The following SDK1 variants were observed in gnomAD, a reference collection of about 807,000 sequenced individuals.
SDK1 encodes the protein protein sidekick-1.
Under a neutral mutation model 245.5 loss-of-function variants are expected in SDK1, and 157 were observed. That is an observed-to-expected ratio of 0.64 (90% confidence interval 0.56 to 0.73). The LOEUF (loss-of-function observed/expected upper bound fraction) is 0.73, where lower values mean the gene tolerates loss of function less well. Among genes scored for constraint, SDK1 ranks in the 30% least tolerant of loss-of-function variants. The probability of loss-of-function intolerance (pLI) is 0.00; values close to 1 mark genes in which losing one functional copy is unlikely to be tolerated. For synonymous variants in SDK1, 1,647 were observed against 1,278.5 expected (o/e 1.29, Z -6.15); for missense variants, 3,583 against 3,002.3 (o/e 1.19, Z -4.52).
At chr7:3,337,734 G>A (rs914484949) in intron 1 of SDK1, among the ~76,000 whole-genome samples, 10 of 152,150 alleles carry the variant, frequency 6.6e-5, no homozygotes, top group African/African-American at 2.4e-4. Flanking sequence ...AAGAAAAGCA[G>A]CACAACATTT....
intron 28 of SDK1, among the ~76,000 whole-genome samples, chr7:4,140,170 G>A (rs1325008972): frequency 1.3e-5 from 2 of 152,130 alleles, no homozygotes; most frequent in African/African-American, 2.4e-5. Context: ...CTGCCGCCCC[G>A]CTCCACCCCA....
chr7:3,556,697 C>G (rs538805603), intron 1 of SDK1, among the ~76,000 whole-genome samples: 1 of 151,986 alleles, frequency 6.6e-6, no homozygotes, highest in Admixed American at 6.6e-5. Flanking sequence ...TGGTGCACAC[C>G]TGTAATCCCA....
intron 1 of SDK1, among the ~76,000 whole-genome samples, chr7:3,525,450 C>T (rs1470410265): frequency 6.6e-6 from 1 of 152,078 alleles, no homozygotes; most frequent in East Asian, 1.9e-4. Flanking sequence ...TGGCATAGTA[C>T]ATTTACTCCC....
At chr7:3,900,942 T>C (rs931012249) in intron 5 of SDK1, among the ~76,000 whole-genome samples, 20 of 151,780 alleles carry the variant, frequency 1.3e-4, no homozygotes, top group African/African-American at 4.1e-4. Context: ...ATGTGCCTAA[T>C]TGTAGCAAAA....
chr7:3,494,455 G>A (rs1271760800), intron 1 of SDK1, among the ~76,000 whole-genome samples: 1 of 152,120 alleles, frequency 6.6e-6, no homozygotes, highest in African/African-American at 2.4e-5. Context: ...ATTATGGGAA[G>A]ACAGTGTTAG....
chr7:3,370,781 A>G (rs1005839255), intron 1 of SDK1, among the ~76,000 whole-genome samples: 1 of 152,192 alleles, frequency 6.6e-6, no homozygotes, highest in Non-Finnish European at 1.5e-5. Context: ...TTTAAAATTC[A>G]TGTACACAGT....
chr7:3,820,020 T>C (rs1779604850), intron 4 of SDK1, among the ~76,000 whole-genome samples: 1 of 152,200 alleles, frequency 6.6e-6, no homozygotes, highest in Non-Finnish European at 1.5e-5. Flanking sequence ...CACAACTCAC[T>C]CTAGAGACCT....
intron 1 of SDK1, among the ~76,000 whole-genome samples, chr7:3,516,739 A>G (rs778428353): frequency 3.3e-5 from 5 of 152,182 alleles, no homozygotes; most frequent in Admixed American, 2.0e-4. Flanking sequence ...GAAGAACTCT[A>G]TTGTTTGACA....
At chr7:3,465,599 C>T (rs17133379) in intron 1 of SDK1, among the ~76,000 whole-genome samples, 21,937 of 152,034 alleles carry the variant, frequency 0.14, 1,554 homozygotes, top group South Asian at 0.22. Context: ...GGGATCAAGT[C>T]CCCTGTGTGC....
intron 1 of SDK1, among the ~76,000 whole-genome samples, chr7:3,348,702 TG>T (rs1780575253): frequency 6.6e-6 from 1 of 152,166 alleles, no homozygotes; most frequent in Non-Finnish European, 1.5e-5. Context: ...AAATAAAAGT[TG>T]AAATTGTTTT....
chr7:3,921,479 A>G (rs1779585334), intron 5 of SDK1, among the ~76,000 whole-genome samples: 1 of 152,248 alleles, frequency 6.6e-6, no homozygotes, highest in Non-Finnish European at 1.5e-5. Context: ...ATAAATTCCC[A>G]GAAGTGGAAT....
At chr7:3,381,327 C>T (rs1412512872) in intron 1 of SDK1, among the ~76,000 whole-genome samples, 1 of 151,942 alleles carries the variant, frequency 6.6e-6, no homozygotes, top group South Asian at 2.1e-4. Flanking sequence ...CGAGTGAAGT[C>T]CACTAGGAAC....
intron 4 of SDK1, among the ~76,000 whole-genome samples, chr7:3,644,409 G>A (rs2128653333): frequency 6.6e-6 from 1 of 151,854 alleles, no homozygotes; most frequent in East Asian, 1.9e-4. Context: ...GATGCCTCGA[G>A]TTTCGATGAA....
At chr7:3,322,212 T>C (rs547818044) in intron 1 of SDK1, among the ~76,000 whole-genome samples, 1 of 152,254 alleles carries the variant, frequency 6.6e-6, no homozygotes, top group South Asian at 2.1e-4. Flanking sequence ...TCTATGGATT[T>C]ATCTATTCTG....
chr7:3,741,801 TAAAC>T (rs1033947551), intron 4 of SDK1, among the ~76,000 whole-genome samples: 1 of 152,052 alleles, frequency 6.6e-6, no homozygotes, highest in Admixed American at 6.5e-5. Context: ...CTTTTCCACA[TAAAC>T]ACACACATTC....
chr7:4,132,305 C>T lies in SDK1; in HGVS notation c.4130-20C>T. On this transcript the variant is annotated intron_variant, in intron 27 of 44. Coordinates refer to ENST00000404826, the MANE Select transcript of SDK1 (RefSeq NM_152744.4). The stretch of plus-strand genomic sequence containing the variant: ...GGAACACTGTCTTGAGATCTGAATC[C>T]CTGTGGTTTTTCCCTTCAGCCCCAG... The T allele has an allele frequency of 6.3e-7, 1 of 1,587,902 alleles. No homozygotes were observed. The highest frequency in any genetic ancestry group is 8.6e-7 in the Non-Finnish European group (1 of 1,158,314).
At chr7:4,059,496 G>A (rs1779402138) in intron 19 of SDK1, among the ~76,000 whole-genome samples, 1 of 152,006 alleles carries the variant, frequency 6.6e-6, no homozygotes, top group Admixed American at 6.6e-5. Context: ...TAATACTTGG[G>A]GACTTTAACA....
intron 18 of SDK1, among the ~76,000 whole-genome samples, chr7:4,051,385 T>G (rs1241254510): frequency 6.6e-6 from 1 of 150,548 alleles, no homozygotes; most frequent in Non-Finnish European, 1.5e-5. Context: ...TGTCCATTAT[T>G]CTAATATGAG....
chr7:3,839,460 G>A (rs961551694), intron 5 of SDK1, among the ~76,000 whole-genome samples: 5 of 152,134 alleles, frequency 3.3e-5, no homozygotes, highest in Non-Finnish European at 7.4e-5. Context: ...ACTGAGTGAC[G>A]ATGGGCATAA....
Sources: gnomAD v4.1 joint callset for allele counts (sites outside exome capture counted in the v4.1 genomes callset) on GRCh38, gnomAD v4.1.1 for gene constraint, MANE v1.5 for transcripts, NCBI Gene and HGNC (gene_info 2026-07-23, HGNC 2026-07-21) for gene names.